Variants in GRID1 observed in about 807,000 individuals in gnomAD.
GRID1 encodes glutamate receptor ionotropic, delta-1.
A neutral mutation model predicts 98.0 loss-of-function variants in GRID1; 28 were observed. That is an observed-to-expected ratio of 0.29 (90% confidence interval 0.21 to 0.39). The LOEUF is 0.39. Among genes scored for constraint, GRID1 ranks in the 10% least tolerant of loss-of-function variants. The pLI is 1.00. For missense variants in GRID1, 1,111 were observed against 1,340.5 expected, an observed-to-expected ratio of 0.83 and a Z score of 2.67; for synonymous variants, 553 against 538.5, an observed-to-expected ratio of 1.03 and a Z score of -0.37.
chr10:86,116,297 T>C (rs1844577948), intron 4 of GRID1, among the ~76,000 whole-genome samples: 1 of 152,110 alleles, frequency 6.6e-6, no homozygotes, highest in Admixed American at 6.5e-5. Flanking sequence ...GAAAAATAAG[T>C]ATCTGGAAAA....
intron 8 of GRID1, among the ~76,000 whole-genome samples, chr10:85,827,902 T>A (rs1213308344): frequency 6.6e-6 from 1 of 152,066 alleles, no homozygotes; most frequent in African/African-American, 2.4e-5. Context: ...ATGAAGACAT[T>A]CAGGACTTGA....
chr10:86,336,150 T>G (rs565001780), intron 2 of GRID1, among the ~76,000 whole-genome samples: 2 of 152,350 alleles, frequency 1.3e-5, no homozygotes, highest in Admixed American at 6.5e-5. Context: ...CAGGTTGCTC[T>G]CCTAGGAGTC....
chr10:86,042,172 C>T (rs1843356113), intron 4 of GRID1, among the ~76,000 whole-genome samples: 1 of 152,208 alleles, frequency 6.6e-6, no homozygotes, highest in African/African-American at 2.4e-5. Context: ...GAAGTTCATC[C>T]AGTCCTTAAA....
intron 2 of GRID1, among the ~76,000 whole-genome samples, chr10:86,306,252 C>G (rs1847757350): frequency 1.3e-5 from 2 of 152,174 alleles, no homozygotes; most frequent in Non-Finnish European, 2.9e-5. Flanking sequence ...TGCTGGAGCC[C>G]CAGGCCCCAG....
intron 2 of GRID1, among the ~76,000 whole-genome samples, chr10:86,209,937 C>T (rs1846083897): frequency 6.6e-6 from 1 of 152,198 alleles, no homozygotes; most frequent in Admixed American, 6.5e-5. Context: ...CTGGCTCCTG[C>T]CCTCCTTGTC....
At chr10:86,103,932 T>C (rs1844339888) in intron 4 of GRID1, among the ~76,000 whole-genome samples, 1 of 152,112 alleles carries the variant, frequency 6.6e-6, no homozygotes, top group African/African-American at 2.4e-5. Flanking sequence ...CCCAATCTCA[T>C]TCATCACAAC....
chr10:85,848,756 G>T (rs1268924043), intron 8 of GRID1, among the ~76,000 whole-genome samples: 1 of 152,156 alleles, frequency 6.6e-6, no homozygotes, highest in Non-Finnish European at 1.5e-5. Context: ...TACCTAAAAT[G>T]AAATACTTGA....
At chr10:86,221,257 A>C (rs1275716956) in intron 2 of GRID1, among the ~76,000 whole-genome samples, 1 of 152,210 alleles carries the variant, frequency 6.6e-6, no homozygotes, top group African/African-American at 2.4e-5. Flanking sequence ...ATAATACAAC[A>C]AAACTCACAA....
chr10:85,658,488 G>T (rs1840928087), intron 12 of GRID1, among the ~76,000 whole-genome samples: 2 of 152,216 alleles, frequency 1.3e-5, no homozygotes, highest in Non-Finnish European at 2.9e-5. Context: ...AAGTACAAGA[G>T]CTGTCTTCAT....
At chr10:86,077,807 G>GA (rs1286207533) in intron 4 of GRID1, among the ~76,000 whole-genome samples, 3 of 152,062 alleles carry the variant, frequency 2.0e-5, no homozygotes, top group Admixed American at 6.5e-5. Flanking sequence ...TCATGGATGG[G>GA]AAAAAAAACT....
At chr10:85,877,997 A>G (rs1025202303) in intron 5 of GRID1, among the ~76,000 whole-genome samples, 15 of 152,352 alleles carry the variant, frequency 9.8e-5, no homozygotes, top group Admixed American at 9.1e-4. Flanking sequence ...AGCCGATGCA[A>G]TCGACTGGAA....
intron 4 of GRID1, among the ~76,000 whole-genome samples, chr10:86,008,922 T>C (rs1438650426): frequency 1.3e-5 from 2 of 152,176 alleles, no homozygotes; most frequent in African/African-American, 2.4e-5. Flanking sequence ...AAAATGTTCA[T>C]AATAACACAG....
chr10:85,813,964 T>C (rs1842695236), intron 8 of GRID1, among the ~76,000 whole-genome samples: 1 of 151,708 alleles, frequency 6.6e-6, no homozygotes, highest in Admixed American at 6.6e-5. Context: ...AGAAAATACA[T>C]ACCCAAAATG....
intron 2 of GRID1, among the ~76,000 whole-genome samples, chr10:86,265,523 G>C (rs1847090879): frequency 6.6e-6 from 1 of 152,234 alleles, no homozygotes; most frequent in Non-Finnish European, 1.5e-5. Flanking sequence ...AGATGTGTCT[G>C]AATCCAGAGC....
intron 12 of GRID1, among the ~76,000 whole-genome samples, chr10:85,709,853 G>T (rs1564566823): frequency 6.6e-6 from 1 of 152,022 alleles, no homozygotes; most frequent in Non-Finnish European, 1.5e-5. Context: ...TGTTCTATAT[G>T]TCTGTTGAGT....
chr10:85,846,293 G>A (rs185643117), intron 8 of GRID1, among the ~76,000 whole-genome samples: 80 of 152,282 alleles, frequency 5.3e-4, no homozygotes, highest in Non-Finnish European at 9.3e-4. Flanking sequence ...CAGTACTTTG[G>A]GAGACTGAGG....
chr10:85,942,978 T>C (rs1564632145), intron 4 of GRID1, among the ~76,000 whole-genome samples: 2 of 152,268 alleles, frequency 1.3e-5, no homozygotes, highest in Admixed American at 6.5e-5. Flanking sequence ...CTTTGAGTTA[T>C]TGGGCTAATA....
At chr10:86,261,238 G>A (rs1311640500) in intron 2 of GRID1, among the ~76,000 whole-genome samples, 2 of 152,244 alleles carry the variant, frequency 1.3e-5, no homozygotes, top group African/African-American at 4.8e-5. Flanking sequence ...AACCAAATTT[G>A]AAGCTACCCC....
intron 8 of GRID1, among the ~76,000 whole-genome samples, chr10:85,790,287 C>T (rs190633194): frequency 7.9e-5 from 12 of 152,272 alleles, no homozygotes; most frequent in East Asian, 1.9e-4. Flanking sequence ...TAAATATAGA[C>T]GGAACAAGAG....
Sources: gnomAD v4.1 joint callset for allele counts (sites outside exome capture counted in the v4.1 genomes callset) on GRCh38, gnomAD v4.1.1 for gene constraint, MANE v1.5 for transcripts, NCBI Gene and HGNC (gene_info 2026-07-23, HGNC 2026-07-21) for gene names.